Variants in NRDC observed in about 807,000 individuals in gnomAD.
The protein encoded by NRDC is nardilysin convertase.
In NRDC, 54 loss-of-function variants were observed where a neutral mutation model predicts 147.1. The observed-to-expected ratio is 0.37, with a 90% CI of 0.29 to 0.46. NRDC has a LOEUF of 0.46. Among genes scored for constraint, NRDC ranks in the 20% least tolerant of loss-of-function variants. NRDC has a pLI of 1.00. For missense variants in NRDC, 1,082 were observed against 1,370.6 expected (o/e 0.79, Z 3.33); for synonymous variants, 440 against 482.1 (o/e 0.91, Z 1.14).
intron 1 of NRDC, among the ~76,000 whole-genome samples, chr1:51,853,700 T>A (rs1426788416): frequency 6.6e-6 from 1 of 152,166 alleles, no homozygotes; most frequent in Non-Finnish European, 1.5e-5. Flanking sequence ...TAGCCTTAGA[T>A]TACATCTTAG....
chr1:51,817,088 G>C (rs761162973), intron 10 of NRDC, among the ~76,000 whole-genome samples: 1 of 152,082 alleles, frequency 6.6e-6, no homozygotes, highest in Admixed American at 6.5e-5. Flanking sequence ...AAAAAATTGA[G>C]TTTTCTGTAT....
intron 1 of NRDC, among the ~76,000 whole-genome samples, chr1:51,872,337 T>C (rs1367206224): frequency 2.0e-5 from 3 of 151,584 alleles, no homozygotes; most frequent in African/African-American, 4.8e-5. Flanking sequence ...CACACAGACA[T>C]ACACACACAC....
intron 24 of NRDC, among the ~76,000 whole-genome samples, chr1:51,792,634 C>T (rs1462819409): frequency 1.3e-5 from 2 of 152,128 alleles, no homozygotes; most frequent in Admixed American, 6.5e-5. Context: ...ATTTGTACTC[C>T]CGGCACTAGC....
At chr1:51,793,747 T>C (rs191769474) in intron 24 of NRDC, among the ~76,000 whole-genome samples, 24 of 152,304 alleles carry the variant, frequency 1.6e-4, no homozygotes, top group African/African-American at 4.8e-4. Context: ...GAACCCAAGA[T>C]AACAGCAGCG....
rs554305319 is a variant in NRDC, at chr1:51,825,354, T to C, written c.969A>G (p.Ala323=). The C allele has an allele frequency of 1.1e-5, 17 of 1,590,710 alleles. 1 individual carries two copies. In the Admixed American group the frequency reaches 3.2e-4, roughly 30 times the overall value. The part of the protein sequence containing the change: ...SEYQLARPSD[A]NRKEMLFGSL... The stretch of plus-strand genomic sequence containing the variant: ...TTCCAAACAACATTTCCTTTCTGTT[T>C]GCATCAGAAGGCCTTGCAAGTTGAT... Residue 323 remains alanine (A), a synonymous_variant, in exon 6 of 31, where the codon GCA becomes GCG. Transcript: ENST00000352171.
At chr1:51,848,001 T>C (rs534500961) in intron 1 of NRDC, among the ~76,000 whole-genome samples, 2 of 152,196 alleles carry the variant, frequency 1.3e-5, no homozygotes, top group Non-Finnish European at 2.9e-5. Flanking sequence ...CACAACTCAC[T>C]CCTTAGCAAA....
chr1:51,847,440 T>G (rs1410027387), intron 1 of NRDC, among the ~76,000 whole-genome samples: 1 of 152,150 alleles, frequency 6.6e-6, no homozygotes, highest in Non-Finnish European at 1.5e-5. Flanking sequence ...GCGGCGCTCG[T>G]TGGGGAGGCT....
At chr1:51,841,758 A>C (rs1403382073) in intron 1 of NRDC, among the ~76,000 whole-genome samples, 1 of 152,258 alleles carries the variant, frequency 6.6e-6, no homozygotes, top group African/African-American at 2.4e-5. Flanking sequence ...ATGAGCCAGT[A>C]TAATACAGAA....
At chr1:51,850,983 T>C (rs1474141631) in intron 1 of NRDC, among the ~76,000 whole-genome samples, 1 of 152,122 alleles carries the variant, frequency 6.6e-6, no homozygotes, top group Non-Finnish European at 1.5e-5. Context: ...GCAACCAAAA[T>C]GGGACAAAAG....
chr1:51,813,547 C>T (rs899259688), intron 14 of NRDC, among the ~76,000 whole-genome samples: 1 of 152,134 alleles, frequency 6.6e-6, no homozygotes, highest in Non-Finnish European at 1.5e-5. Flanking sequence ...CCTGCCTGCT[C>T]GACCTCCCAA....
intron 1 of NRDC, among the ~76,000 whole-genome samples, chr1:51,850,496 A>G (rs12735659): frequency 6.6e-6 from 1 of 152,260 alleles, no homozygotes; most frequent in Non-Finnish European, 1.5e-5. Context: ...GCATAGAAAT[A>G]CAAGAAAATA....
At chr1:51,875,010 T>C (rs1683255359) in intron 1 of NRDC, among the ~76,000 whole-genome samples, 1 of 152,100 alleles carries the variant, frequency 6.6e-6, no homozygotes, top group Non-Finnish European at 1.5e-5. Flanking sequence ...GTGCACAAAA[T>C]CCTACTGAAA....
rs771498455 is a variant in NRDC at position 51,818,113 on chromosome 1, A to G, written c.1314T>C (p.His438=). The change falls in exon 10 of 31, where the codon CAT becomes CAC. Residue 438 remains histidine, a synonymous_variant. Coordinates refer to ENST00000352171, the MANE Select transcript of NRDC (RefSeq NM_001101662.2). ...LYRVVPIRKI[H]ALTITWALPP... is the part of the protein sequence containing the mutation. ...GAAGTGCCCATGTGATGGTCAGAGC[A>G]TGAATTTTTCTGATTGGAACAACTA... 1.2e-6 allele frequency: 2 copies of G among 1,605,678 alleles called. No homozygotes were observed. Among genetic ancestry groups the G allele is most frequent in the East Asian group, 2.2e-5 (1 of 44,710 alleles).
In NRDC at chr1:51,791,558, C is replaced by T. The variant is rs771147820; in HGVS notation, c.2960+20G>A. On this transcript the variant is annotated intron_variant, in intron 27 of 30. Coordinates refer to ENST00000352171, the MANE Select transcript of NRDC (RefSeq NM_001101662.2). The stretch of plus-strand genomic sequence containing the variant: ...CATGTCCATAATAGGTTACACTCAT[C>T]TATTCACTCACTCACTCACTTGTAT... 3.7e-5 allele frequency: 58 copies of T among 1,579,630 alleles called. 1 individual carries two copies. In the Middle Eastern group the frequency reaches 8.3e-4, roughly 23 times the overall value.
chr1:51,839,085 A>G (rs545947327), intron 2 of NRDC, among the ~76,000 whole-genome samples: 1 of 152,274 alleles, frequency 6.6e-6, no homozygotes, highest in South Asian at 2.1e-4. Context: ...TCCAAGAAGA[A>G]TAACTATTAA....
intron 1 of NRDC, among the ~76,000 whole-genome samples, chr1:51,868,069 T>C (rs1682904078): frequency 6.6e-6 from 1 of 152,274 alleles, no homozygotes; most frequent in South Asian, 2.1e-4. Flanking sequence ...AGTACACAAC[T>C]GGAGAGTAGA....
chr1:51,794,381 C>T, intron 24 of NRDC, 91 bp downstream of exon 24: 1 of 1,297,854 alleles, frequency 7.7e-7, no homozygotes, highest in East Asian at 2.3e-5. Context: ...CATGAAACTA[C>T]AGAAGTAACT....
chr1:51,818,784 GA>G (rs1274869293), intron 9 of NRDC, among the ~76,000 whole-genome samples: 6 of 150,610 alleles, frequency 4.0e-5, no homozygotes, highest in African/African-American at 7.3e-5. Flanking sequence ...AGTAAAAACA[GA>G]AAAAAAAATC....
intron 1 of NRDC, among the ~76,000 whole-genome samples, chr1:51,874,952 T>C (rs1683251507): frequency 1.3e-5 from 2 of 152,232 alleles, no homozygotes; most frequent in South Asian, 4.1e-4. Flanking sequence ...CCTCCTCTGG[T>C]ACTTATTCAA....
Sources: gnomAD v4.1 joint callset for allele counts (sites outside exome capture counted in the v4.1 genomes callset) on GRCh38, gnomAD v4.1.1 for gene constraint, MANE v1.5 for transcripts, NCBI Gene and HGNC (gene_info 2026-07-23, HGNC 2026-07-21) for gene names.